The following HIPK2 variants were observed in gnomAD, a reference collection of about 807,000 sequenced individuals.
HIPK2 encodes homeodomain-interacting protein kinase 2.
A neutral mutation model predicts 113.7 loss-of-function variants in HIPK2; 27 were observed. The ratio of observed to expected loss-of-function variants is 0.24; its 90% CI spans 0.17 to 0.33. The LOEUF is 0.33. Ranked by LOEUF, HIPK2 falls within the 10% of genes least tolerant of loss-of-function variation. The pLI, the probability that HIPK2 is intolerant of heterozygous loss-of-function variation, is 1.00. For synonymous variants in HIPK2, 631 were observed against 642.2 expected (o/e 0.98, Z 0.26); for missense variants, 1,257 against 1,588.0 (o/e 0.79, Z 3.54).
Position 139,596,836 on chromosome 7 carries a change from G to T in HIPK2, c.2598C>A (p.Thr866=). The T allele has an allele frequency of 6.2e-7, 1 of 1,613,994 alleles. No individual in the cohort carries two copies. Among genetic ancestry groups the T allele is most frequent in the Non-Finnish European group, 8.5e-7 (1 of 1,179,892 alleles). ...TCGWGDVASS[T]TRERQRQTIV... is the part of the protein sequence containing the mutation. ...TTGTCTGCCGCTGCCGTTCCCGGGT[G>T]GTGCTGGAGGCCACGTCGCCCCACC... The change falls in exon 12 of 15, where the codon ACC becomes ACA. Residue 866 remains threonine, a synonymous_variant. Coordinates refer to ENST00000406875, the MANE Select transcript of HIPK2 (RefSeq NM_022740.5).
intron 12 of HIPK2, among the ~76,000 whole-genome samples, chr7:139,584,932 C>A (rs967214015): frequency 6.6e-6 from 1 of 152,152 alleles, no homozygotes; most frequent in Non-Finnish European, 1.5e-5. Context: ...TAGCTCTTGG[C>A]CGGCATGTTT....
At chr7:139,590,364 A>G (rs1019668464) in intron 12 of HIPK2, among the ~76,000 whole-genome samples, 1 of 152,232 alleles carries the variant, frequency 6.6e-6, no homozygotes, top group East Asian at 1.9e-4. Flanking sequence ...AAGGAGCTAA[A>G]AAGTAAAGAA....
At chr7:139,696,604 G>C (rs1794575859) in intron 2 of HIPK2, among the ~76,000 whole-genome samples, 2 of 149,942 alleles carry the variant, frequency 1.3e-5, no homozygotes, top group African/African-American at 4.9e-5. Context: ...GGTAGAAAAA[G>C]AAAAATGCAG....
intron 14 of HIPK2, 88 bp downstream of exon 14, chr7:139,575,040 G>T: frequency 6.8e-7 from 1 of 1,464,014 alleles, no homozygotes; most frequent in South Asian, 1.4e-5. Context: ...TGAGGTGGGT[G>T]AGGGGCCGCC....
At chr7:139,575,723 G>C (rs1006580170) in intron 13 of HIPK2, among the ~76,000 whole-genome samples, 1 of 152,264 alleles carries the variant, frequency 6.6e-6, no homozygotes, top group African/African-American at 2.4e-5. Flanking sequence ...GGTGGGGCCA[G>C]TAAGGGATGT....
chr7:139,692,890 T>G, intron 2 of HIPK2, among the ~76,000 whole-genome samples: 1 of 152,234 alleles, frequency 6.6e-6, no homozygotes, highest in East Asian at 1.9e-4. Flanking sequence ...ATGCCCAGCT[T>G]GGGGCTAGAA....
rs1164561188 is a variant in HIPK2 at position 139,567,096 on chromosome 7, T to C, written c.*5831A>G. On this transcript the variant is annotated 3_prime_UTR_variant, in exon 15 of 15. Coordinates refer to ENST00000406875, the MANE Select transcript of HIPK2 (RefSeq NM_022740.5). ...GTTTTTTTTGCATTTAAATCCTGTT[T>C]CACCGCCTTCCATTCTCTAGTGGCC... 6.6e-6 allele frequency: 1 copy of C among 152,248 alleles called. No individual in the cohort carries two copies. The highest frequency in any genetic ancestry group is 1.5e-5 in the Non-Finnish European group (1 of 68,060). 9.4% of individuals were successfully genotyped at this position (152,248 alleles called of 1,614,324 possible). A position where few individuals can be genotyped will look rare whatever the true frequency, so the allele number is the denominator to read the frequency against.
At chr7:139,722,507 C>T (rs1795442631) in intron 1 of HIPK2, among the ~76,000 whole-genome samples, 1 of 152,258 alleles carries the variant, frequency 6.6e-6, no homozygotes, top group Admixed American at 6.5e-5. Flanking sequence ...AAAACATCTG[C>T]CTTCTAGCCT....
chr7:139,579,271 T>C (rs1554420885), intron 13 of HIPK2, among the ~76,000 whole-genome samples: 1 of 114,060 alleles, frequency 8.8e-6, no homozygotes, highest in Non-Finnish European at 2.0e-5. Flanking sequence ...TATTGCAAGA[T>C]GTCCAAAGAC....
intron 14 of HIPK2, among the ~76,000 whole-genome samples, chr7:139,574,789 G>C (rs1029049379): frequency 1.6e-4 from 24 of 152,366 alleles, no homozygotes; most frequent in African/African-American, 5.8e-4. Flanking sequence ...CAGGCCGACA[G>C]GGCCGGGACA....
chr7:139,631,599 C>T lies in HIPK2; in HGVS notation c.1227+3G>A, dbSNP rs769581278. ...TGTGAATATCTGTGTCATCTGGACC[C>T]ACCTGATCATACTCCGAAGCTCCTG... On this transcript the variant is annotated splice_donor_region_variant and intron_variant, in intron 3 of 14. Transcript: ENST00000406875. The surrounding 1 kb of genome is among the most constrained non-coding windows in gnomAD (Gnocchi z 4.9). The T allele has an allele frequency of 6.2e-7, 1 of 1,613,780 alleles. No homozygotes were observed. The highest frequency in any genetic ancestry group is 8.5e-7 in the Non-Finnish European group (1 of 1,179,800).
intron 10 of HIPK2, among the ~76,000 whole-genome samples, chr7:139,601,781 C>G (rs950694523): frequency 1.3e-5 from 2 of 151,988 alleles, no homozygotes; most frequent in Non-Finnish European, 2.9e-5. Flanking sequence ...TAATAAAATT[C>G]AAAGCTAAAG....
At chr7:139,581,203 C>A (rs916339930) in intron 13 of HIPK2, among the ~76,000 whole-genome samples, 2 of 152,068 alleles carry the variant, frequency 1.3e-5, no homozygotes. Flanking sequence ...CTGGGTGACA[C>A]AGCGAGACTC....
intron 2 of HIPK2, among the ~76,000 whole-genome samples, chr7:139,685,015 C>T (rs370559535): frequency 1.3e-5 from 2 of 152,110 alleles, no homozygotes; most frequent in East Asian, 1.9e-4. Context: ...AAAAAGTTTG[C>T]AGCTATCAGA....
chr7:139,777,744 C>G lies in HIPK2; in HGVS notation c.-121G>C, dbSNP rs868059407. On this transcript the variant is annotated 5_prime_UTR_variant, in exon 1 of 15. Coordinates refer to ENST00000406875, the MANE Select transcript of HIPK2 (RefSeq NM_022740.5). ...CCTGTGTCTCCGCTCTCGGCGCAGC[C>G]GAGGCCGCCCGCGCCCGCATCACCG... 7.6e-6 allele frequency: 7 copies of G among 922,836 alleles called. No homozygotes were observed. The highest frequency in any genetic ancestry group is 7.8e-6 in the Non-Finnish European group (6 of 769,948). The allele number at this position is 922,836 out of a possible 1,614,324, so 57.2% of individuals were successfully genotyped here. A position where few individuals can be genotyped will look rare whatever the true frequency, so the allele number is the denominator to read the frequency against.
chr7:139,707,656 G>C (rs1006988492), intron 2 of HIPK2, among the ~76,000 whole-genome samples: 38 of 152,348 alleles, frequency 2.5e-4, no homozygotes, highest in African/African-American at 7.5e-4. Context: ...AGATACTGCA[G>C]AGCCGAGGGC....
intron 2 of HIPK2, among the ~76,000 whole-genome samples, chr7:139,642,873 A>T (rs1476514481): frequency 6.6e-6 from 1 of 152,228 alleles, no homozygotes; most frequent in East Asian, 1.9e-4. Context: ...TGCACTCTGC[A>T]GCAGGGTACT....
intron 7 of HIPK2, among the ~76,000 whole-genome samples, chr7:139,616,409 G>C (rs181399457): frequency 2.6e-5 from 4 of 152,288 alleles, no homozygotes; most frequent in East Asian, 1.9e-4. Context: ...GTATGCGCCT[G>C]GTCTAGTGCC....
In HIPK2 at chr7:139,613,466, T is replaced by A; in HGVS notation, c.1991-143A>T. The A allele has an allele frequency of 1.1e-6, 1 of 919,610 alleles. No homozygotes were observed. Among genetic ancestry groups the A allele is most frequent in the Non-Finnish European group, 1.6e-6 (1 of 629,246 alleles). The allele number at this position is 919,610 out of a possible 1,614,324, so 57.0% of individuals were successfully genotyped here. A position where few individuals can be genotyped will look rare whatever the true frequency, so the allele number is the denominator to read the frequency against. On this transcript the variant is annotated intron_variant, in intron 8 of 14. Coordinates refer to ENST00000406875, the MANE Select transcript of HIPK2 (RefSeq NM_022740.5). This position sits in a 1 kb window ranked among gnomAD's most constrained non-coding sequence, Gnocchi z 4.2. ...ACAACAACCAGGTATTGCCTGGTCCTTGGAAGTCTCCCCTTTGGCTTCTAA... is the reference window on the plus strand; with the variant it reads ...ACAACAACCAGGTATTGCCTGGTCCATGGAAGTCTCCCCTTTGGCTTCTAA...
Sources: allele counts gnomAD v4.1 joint callset (sites outside exome capture counted in the v4.1 genomes callset), GRCh38; gene constraint gnomAD v4.1.1; non-coding constraint Gnocchi (gnomAD v3.1); transcripts MANE v1.5; gene names NCBI Gene and HGNC (gene_info 2026-07-23, HGNC 2026-07-21).